LARP1B: variants seen among roughly 807,000 people sequenced by gnomAD.
LARP1B encodes la-related protein 1B.
A neutral mutation model predicts 114.2 loss-of-function variants in LARP1B; 76 were observed. That is an observed-to-expected ratio of 0.67 (90% confidence interval 0.55 to 0.81). LARP1B has a LOEUF of 0.81. Ranked by LOEUF, LARP1B falls within the 30% of genes least tolerant of loss-of-function variation. The pLI is 0.00. For synonymous variants in LARP1B, 345 were observed against 348.0 expected, an observed-to-expected ratio of 0.99 and a Z score of 0.10; for missense variants, 1,014 against 1,075.8, an observed-to-expected ratio of 0.94 and a Z score of 0.80.
At chr4:128,082,056 A>G in intron 4 of LARP1B, 109 bp from the exon 5 acceptor site, 12 of 1,028,932 alleles carry the variant, frequency 1.2e-5, no homozygotes, top group South Asian at 4.7e-5. Context: ...TAATCTTAAA[A>G]TACACATTAA....
chr4:128,107,845 C>T (rs1369567142), intron 9 of LARP1B: 2 of 1,478,522 alleles, frequency 1.4e-6, no homozygotes, highest in South Asian at 1.2e-5. Context: ...TTAAGACATT[C>T]CCTCTTGGGA....
chr4:128,075,022 T>TC, intron 3 of LARP1B, 29 bp downstream of exon 3: 2 of 1,415,602 alleles, frequency 1.4e-6, no homozygotes, highest in South Asian at 1.2e-5. Flanking sequence ...TTTTTTTTTT[T>TC]AAAGAAAGGA....
chr4:128,068,443 C>A (rs1224273315), intron 1 of LARP1B, among the ~76,000 whole-genome samples: 3 of 151,908 alleles, frequency 2.0e-5, no homozygotes, highest in Admixed American at 6.6e-5. Context: ...GCCTCAGCTT[C>A]TCAAGTAGCT....
chr4:128,065,308 T>TTC lies in LARP1B; in HGVS notation c.-78+3907_-78+3908insTC, dbSNP rs1561011848. Among the ~76,000 whole-genome samples, 66 of 93,620 alleles carry TTC rather than the reference T, an allele frequency of 7.0e-4. 1 individual carries two copies. Among genetic ancestry groups the TTC allele is most frequent in the Non-Finnish European group, 9.2e-4 (38 of 41,140 alleles). 61.4% of individuals were successfully genotyped at this position (93,620 alleles called of 152,430 possible). ...TTCTTTCTTTCTTTCTTTCTTTCTT[T>TTC]CTTTCTTTCTCTCTCTCTCTCTCTT... On this transcript the variant is annotated intron_variant, in intron 1 of 19. Transcript: ENST00000326639.
At chr4:128,086,165 G>T (rs760681224) in intron 5 of LARP1B, among the ~76,000 whole-genome samples, 1 of 151,770 alleles carries the variant, frequency 6.6e-6, no homozygotes, top group African/African-American at 2.4e-5. Context: ...CAGCACGCCC[G>T]GCTATTTTTT....
rs34270143 is a variant in LARP1B at position 128,066,109 on chromosome 4, A to G, written c.-78+4708A>G. ...TCAGCCCCCACAAAGTGCTGGGACT[A>G]CAGGTGTAAGCCACCCTGCCTGGCG... On this transcript the variant is annotated intron_variant, in intron 1 of 19. Transcript: ENST00000326639. 2.4e-3 allele frequency among the ~76,000 whole-genome samples: 365 copies of G among 150,616 alleles called. 2 individuals carry two copies. The highest frequency in any genetic ancestry group is 3.0e-3 in the Non-Finnish European group (205 of 67,780).
At chr4:128,100,079 C>G (rs932258201) in intron 8 of LARP1B, among the ~76,000 whole-genome samples, 6 of 152,002 alleles carry the variant, frequency 3.9e-5, no homozygotes, top group Non-Finnish European at 7.4e-5. Context: ...CCTGCCTCAG[C>G]CTCCCAAGTA....
chr4:128,109,220 G>A (rs536372169), intron 9 of LARP1B, among the ~76,000 whole-genome samples: 2 of 152,258 alleles, frequency 1.3e-5, no homozygotes, highest in Admixed American at 6.5e-5. Flanking sequence ...CCAAAAATTT[G>A]AAGTGGAAAT....
intron 15 of LARP1B, among the ~76,000 whole-genome samples, chr4:128,186,673 T>C (rs1410388508): frequency 6.6e-6 from 1 of 152,192 alleles, no homozygotes; most frequent in African/African-American, 2.4e-5. Context: ...CTATGTTCAA[T>C]TAAAGTGGTA....
intron 12 of LARP1B, among the ~76,000 whole-genome samples, chr4:128,167,526 ACTCTGTT>A (rs1741648106): frequency 6.6e-6 from 1 of 151,720 alleles, no homozygotes; most frequent in African/African-American, 2.4e-5. Context: ...TTGTCTGTTC[ACTCTGTT>A]GATTGTTTCC....
chr4:128,091,325 C>A, intron 6 of LARP1B, 22 bp from the exon 7 acceptor site: 1 of 1,590,984 alleles, frequency 6.3e-7, no homozygotes, highest in South Asian at 1.1e-5. Context: ...GATTACCTTT[C>A]TTTTTCTTTA....
chr4:128,212,912 CTTTTTT>C (rs1174891101), downstream of LARP1B, among the ~76,000 whole-genome samples: 48 of 83,766 alleles, frequency 5.7e-4, no homozygotes, highest in Non-Finnish European at 7.6e-4. Context: ...AAATCTCTCT[CTTTTTT>C]TTTTTTTTTT....
At chr4:128,115,821 A>G (rs914503963) in intron 10 of LARP1B, among the ~76,000 whole-genome samples, 1 of 151,748 alleles carries the variant, frequency 6.6e-6, no homozygotes. Flanking sequence ...ATGCCCAACT[A>G]TTTTTTTGTG....
intron 19 of LARP1B, among the ~76,000 whole-genome samples, chr4:128,209,520 G>A (rs1335824658): frequency 6.6e-6 from 1 of 152,130 alleles, no homozygotes; most frequent in Non-Finnish European, 1.5e-5. Context: ...CATATGTTGA[G>A]TAAAAGAATG....
At position 128,107,315 on chromosome 4, in the gene LARP1B, T is replaced by C; in HGVS notation, c.988+2T>C. 6.2e-7 allele frequency: 1 copy of C among 1,613,920 alleles called. No individual in the cohort carries two copies. The highest frequency in any genetic ancestry group is 8.5e-7 in the Non-Finnish European group (1 of 1,179,898). On this transcript the variant is annotated splice_donor_variant, in intron 9 of 19. Transcript: ENST00000326639. LOFTEE classifies it high-confidence loss of function. ...GCCAAGCCTTTTGCTCACATACAGG[T>C]AACATCTTTTCTTCTAGAGCAAACG...
In LARP1B at chr4:128,122,075, A is replaced by G. The variant is rs137863072; in HGVS notation, c.1411A>G (p.Met471Val). 2.5e-4 allele frequency: 407 copies of G among 1,614,018 alleles called. No homozygotes were observed. Among genetic ancestry groups the G allele is most frequent in the Non-Finnish European group, 3.2e-4 (375 of 1,180,014 alleles). The change falls in exon 11 of 20, where the codon ATG becomes GTG. Residue 471 changes from methionine (M) to valine (V), a missense_variant. Transcript: ENST00000326639. ...TGGAGGAGATCGAACAGGCACCCAC[A>G]TGTCTCGGGCAAAAATCACATCTGA... ...HPGGDRTGTH[M>V]SRAKITSELA... is the part of the protein sequence containing the mutation.
chr4:128,132,538 G>A (rs973716851), intron 11 of LARP1B, among the ~76,000 whole-genome samples: 33 of 152,062 alleles, frequency 2.2e-4, no homozygotes, highest in Non-Finnish European at 3.1e-4. Flanking sequence ...GAGCCACTGT[G>A]CCCGGCCAAT....
intron 12 of LARP1B, among the ~76,000 whole-genome samples, chr4:128,171,176 TGGA>T (rs760902920): frequency 9.9e-5 from 15 of 152,032 alleles, no homozygotes; most frequent in South Asian, 4.2e-4. Flanking sequence ...TTGCCAAGGC[TGGA>T]GTGCAGTGGT....
In LARP1B at chr4:128,065,253, A is replaced by ATTTCTTTCTTTCTTTCTTTC. The variant is rs199707342; in HGVS notation, c.-78+3898_-78+3917dup. Among the ~76,000 whole-genome samples, 28 of 89,530 alleles carry ATTTCTTTCTTTCTTTCTTTC rather than the reference A, an allele frequency of 3.1e-4. 1 individual carries two copies. The highest frequency in any genetic ancestry group is 4.3e-4 in the South Asian group (1 of 2,324). The allele number at this position is 89,530 out of a possible 152,430, so 58.7% of individuals were successfully genotyped here. ...ACTCTGCACTGTTCTCCCACAATTA[A>ATTTCTTTCTTTCTTTCTTTC]TTTCTTTCTTTCTTTCTTTCTTTCT... On this transcript the variant is annotated intron_variant, in intron 1 of 19. Transcript: ENST00000326639.
Sources: allele counts gnomAD v4.1 joint callset (sites outside exome capture counted in the v4.1 genomes callset), GRCh38; gene constraint gnomAD v4.1.1; transcripts MANE v1.5; gene names NCBI Gene and HGNC (gene_info 2026-07-23, HGNC 2026-07-21).